Variants in KIAA1217 observed in about 807,000 individuals in gnomAD.
KIAA1217 encodes sickle tail protein homolog.
KIAA1217 carries 88 observed loss-of-function variants against 163.9 expected under a neutral mutation model. That is an observed-to-expected ratio of 0.54 (90% CI 0.45 to 0.64). KIAA1217 has a LOEUF of 0.64. Among genes scored for constraint, KIAA1217 ranks in the 30% least tolerant of loss-of-function variants. The pLI, the probability that KIAA1217 is intolerant of heterozygous loss-of-function variation, is 0.00. For missense variants in KIAA1217, 2,372 were observed against 2,475.0 expected (o/e 0.96, Z 0.88); for synonymous variants, 903 against 923.1 (o/e 0.98, Z 0.39).
At chr10:24,274,012 C>A (rs564096232) in intron 2 of KIAA1217, among the ~76,000 whole-genome samples, 2 of 151,972 alleles carry the variant, frequency 1.3e-5, no homozygotes, top group African/African-American at 4.8e-5. Flanking sequence ...ATAAATTAGA[C>A]GCATACCTCA....
chr10:23,961,785 A>C (rs7072053), intron 1 of KIAA1217, among the ~76,000 whole-genome samples: 20,837 of 152,116 alleles, frequency 0.14, 2,989 homozygotes, highest in African/African-American at 0.37. Flanking sequence ...GGAGTACAAA[A>C]TCAGGTGTGG....
chr10:24,178,122 T>A (rs1039551515), intron 2 of KIAA1217, among the ~76,000 whole-genome samples: 13 of 152,230 alleles, frequency 8.5e-5, no homozygotes, highest in African/African-American at 3.1e-4. Flanking sequence ...TAAGAGTATG[T>A]CATTTAGCAT....
At chr10:23,988,317 T>C (rs369211452) in intron 1 of KIAA1217, among the ~76,000 whole-genome samples, 2 of 152,226 alleles carry the variant, frequency 1.3e-5, no homozygotes, top group African/African-American at 4.8e-5. Context: ...CTTTAAGGCG[T>C]TCCTATAATG....
At chr10:24,006,700 C>T (rs1482036013) in intron 1 of KIAA1217, among the ~76,000 whole-genome samples, 1 of 152,198 alleles carries the variant, frequency 6.6e-6, no homozygotes, top group Non-Finnish European at 1.5e-5. Context: ...GTTCCAGGCT[C>T]TCCTACCTGT....
chr10:23,987,719 G>A (rs958567143), intron 1 of KIAA1217, among the ~76,000 whole-genome samples: 4 of 151,830 alleles, frequency 2.6e-5, no homozygotes, highest in South Asian at 4.2e-4. Flanking sequence ...CAGTCACTAC[G>A]TTGTGCAATA....
At chr10:24,375,512 A>AT (rs2134634938) in intron 2 of KIAA1217, among the ~76,000 whole-genome samples, 1 of 152,342 alleles carries the variant, frequency 6.6e-6, no homozygotes, top group Non-Finnish European at 1.5e-5. Flanking sequence ...TGTTCCTGGA[A>AT]TTTTTAATAA....
intron 1 of KIAA1217, among the ~76,000 whole-genome samples, chr10:23,993,017 T>G (rs1846285919): frequency 1.3e-5 from 2 of 148,600 alleles, no homozygotes; most frequent in African/African-American, 5.1e-5. Flanking sequence ...ACAAAGGTAC[T>G]CTGATAGCTT....
chr10:24,392,519 G>T (rs1402875612), intron 3 of KIAA1217, among the ~76,000 whole-genome samples: 1 of 152,178 alleles, frequency 6.6e-6, no homozygotes, highest in Admixed American at 6.5e-5. Context: ...CCCTCAGATG[G>T]TTGGTCCTTG....
chr10:24,363,820 C>A (rs220340), intron 2 of KIAA1217, among the ~76,000 whole-genome samples: 37,748 of 152,016 alleles, frequency 0.25, 4,805 homozygotes, highest in South Asian at 0.36. Context: ...ACTCAGCCCA[C>A]CTTAGCCTCC....
At chr10:24,035,913 C>G (rs140195003) in intron 2 of KIAA1217, among the ~76,000 whole-genome samples, 78 of 152,284 alleles carry the variant, frequency 5.1e-4, no homozygotes, top group African/African-American at 1.8e-3. Flanking sequence ...ACAAGAGATC[C>G]TCAGAGCCAG....
chr10:23,904,133 G>A (rs1397378347), intron 1 of KIAA1217, among the ~76,000 whole-genome samples: 1 of 152,032 alleles, frequency 6.6e-6, no homozygotes, highest in Non-Finnish European at 1.5e-5. Context: ...CCATTATTAT[G>A]TCTTCAAAGG....
intron 1 of KIAA1217, among the ~76,000 whole-genome samples, chr10:23,840,221 T>C (rs941710730): frequency 6.6e-6 from 1 of 151,948 alleles, no homozygotes; most frequent in Non-Finnish European, 1.5e-5. Flanking sequence ...AATGGTACGA[T>C]CTTGGCTCAC....
At position 24,058,392 on chromosome 10, in the gene KIAA1217, A is replaced by G. The variant is rs549798437; in HGVS notation, c.-171+51018A>G. The stretch of plus-strand genomic sequence containing the variant: ...GCTATTTAGGATCCTTCATGATTCC[A>G]TGTGAATTATAGAGTTGTATCTTCT... On this transcript the variant is annotated intron_variant, in intron 2 of 18. Coordinates refer to the KIAA1217 transcript ENST00000376462. Among the ~76,000 whole-genome samples the G allele has an allele frequency of 2.6e-5, 4 of 152,288 alleles. No homozygotes were observed. In the East Asian group the frequency reaches 7.7e-4, roughly 29 times the overall value.
At chr10:24,270,515 A>G (rs774576818) in intron 2 of KIAA1217, among the ~76,000 whole-genome samples, 50 of 152,290 alleles carry the variant, frequency 3.3e-4, no homozygotes, top group Middle Eastern at 3.4e-3. Flanking sequence ...AATAACAGCA[A>G]TCGATTAAGC....
chr10:24,205,614 A>G (rs982361143), upstream of KIAA1217, among the ~76,000 whole-genome samples: 1 of 151,858 alleles, frequency 6.6e-6, no homozygotes, highest in African/African-American at 2.4e-5. Context: ...TCTACTAAAA[A>G]TACAAAAAGT....
Position 24,397,684 on chromosome 10 carries a change from T to C in KIAA1217, c.553+16617T>C, listed in dbSNP as rs145331190. ...CAGTTTGAAAAGGGGGAAGGTCTCT[T>C]ATGAGAGCAGTGACTATAATAATAA... On this transcript the variant is annotated intron_variant, in intron 3 of 20. Coordinates refer to ENST00000376454, the MANE Select transcript of KIAA1217 (RefSeq NM_019590.5). 6.1e-3 allele frequency among the ~76,000 whole-genome samples: 923 copies of C among 152,298 alleles called. 10 individuals carry two copies. Among genetic ancestry groups the C allele is most frequent in the African/African-American group, 0.02 (819 of 41,562 alleles).
At chr10:23,713,423 C>A (rs1054018357) in intron 1 of KIAA1217, among the ~76,000 whole-genome samples, 4 of 152,090 alleles carry the variant, frequency 2.6e-5, no homozygotes, top group Admixed American at 1.3e-4. Flanking sequence ...TCTACCTAGG[C>A]AGACTATCAT....
chr10:23,715,700 C>T (rs762903946), intron 1 of KIAA1217, among the ~76,000 whole-genome samples: 1 of 152,082 alleles, frequency 6.6e-6, no homozygotes, highest in Non-Finnish European at 1.5e-5. Flanking sequence ...TTTGTTTTCT[C>T]ATCTACAAAT....
chr10:23,971,378 A>G (rs1281898039), intron 1 of KIAA1217, among the ~76,000 whole-genome samples: 2 of 152,218 alleles, frequency 1.3e-5, no homozygotes, highest in African/African-American at 4.8e-5. Context: ...ATTGGGAGAC[A>G]ACCTTTCCCT....
Sources: gnomAD v4.1 joint callset for allele counts (sites outside exome capture counted in the v4.1 genomes callset) on GRCh38, gnomAD v4.1.1 for gene constraint, MANE v1.5 for transcripts, NCBI Gene and HGNC (gene_info 2026-07-23, HGNC 2026-07-21) for gene names.